RNF169: variants seen among roughly 807,000 people sequenced by gnomAD.
RNF169 encodes the protein E3 ubiquitin-protein ligase RNF169.
RNF169 carries 24 observed loss-of-function variants against 53.9 expected under a neutral mutation model. That is an observed-to-expected ratio of 0.45 (90% CI 0.32 to 0.63). The LOEUF is 0.63. Ranked by LOEUF, RNF169 falls within the 20% of genes least tolerant of loss-of-function variation. The pLI is 0.04. For missense variants in RNF169, 883 were observed against 906.2 expected (o/e 0.97, Z 0.33); for synonymous variants, 396 against 363.5 (o/e 1.09, Z -1.02).
intron 1 of RNF169, among the ~76,000 whole-genome samples, chr11:74,769,216 T>C (rs1342496568): frequency 6.6e-6 from 1 of 152,112 alleles, no homozygotes; most frequent in African/African-American, 2.4e-5. Context: ...AAGATTTGAA[T>C]AGGCATTTCA....
At position 74,838,624 on chromosome 11, in the gene RNF169, T is replaced by C. The variant is rs758399608; in HGVS notation, c.*1894T>C. ...GTATGCATTCTGTGTTCTCTGTGTGTGTGCACATATGCAGATGTATGTTTT... is the reference window on the plus strand; with the variant it reads ...GTATGCATTCTGTGTTCTCTGTGTGCGTGCACATATGCAGATGTATGTTTT... On this transcript the variant is annotated 3_prime_UTR_variant, in exon 6 of 6. Coordinates refer to ENST00000299563, the MANE Select transcript of RNF169 (RefSeq NM_001098638.2). 6.6e-6 allele frequency: 1 copy of C among 152,238 alleles called. No individual in the cohort carries two copies. The highest frequency in any genetic ancestry group is 1.5e-5 in the Non-Finnish European group (1 of 68,038). The allele number at this position is 152,238 out of a possible 1,614,324, so 9.4% of individuals were successfully genotyped here.
Position 74,839,760 on chromosome 11 carries a change from G to C in RNF169, c.*3030G>C, listed in dbSNP as rs542736095. On this transcript the variant is annotated 3_prime_UTR_variant, in exon 6 of 6. Coordinates refer to ENST00000299563, the MANE Select transcript of RNF169 (RefSeq NM_001098638.2). ...AGAGGGAAAGAAACTTTGAGAAAAT[G>C]TTCTTGACCCATTGATTGTATCTGC... is the stretch of plus-strand genomic sequence containing the variant. 6.6e-6 allele frequency: 1 copy of C among 152,264 alleles called. No individual in the cohort carries two copies. The highest frequency in any genetic ancestry group is 1.9e-4 in the East Asian group (1 of 5,180). 9.4% of individuals were successfully genotyped at this position (152,264 alleles called of 1,614,324 possible).
chr11:74,810,930 T>A (rs2035866592), intron 3 of RNF169, among the ~76,000 whole-genome samples: 1 of 152,224 alleles, frequency 6.6e-6, no homozygotes, highest in Non-Finnish European at 1.5e-5. Context: ...AAATGGATAA[T>A]CACAATTGAG....
intron 2 of RNF169, among the ~76,000 whole-genome samples, chr11:74,802,383 C>T (rs536823): frequency 0.2 from 29,730 of 152,162 alleles, 3,079 homozygotes; most frequent in South Asian, 0.38. Context: ...TGGTGTCTCA[C>T]GCTTGTAATT....
At chr11:74,757,047 G>A (rs933656101) in intron 1 of RNF169, among the ~76,000 whole-genome samples, 4 of 147,320 alleles carry the variant, frequency 2.7e-5, no homozygotes, top group African/African-American at 1.0e-4. Context: ...TGCACATTGT[G>A]CAGGTTAGTT....
In RNF169 at chr11:74,768,298, G is replaced by T. The variant is rs182848448; in HGVS notation, c.502+18916G>T. 1.0e-3 allele frequency among the ~76,000 whole-genome samples: 153 copies of T among 152,236 alleles called. 1 individual carries two copies. Among genetic ancestry groups the T allele is most frequent in the African/African-American group, 3.3e-3 (137 of 41,542 alleles). ...CCTTAGAGAAAAAAATAGATCTTTA[G>T]CACCATATGCAAAAAATTATTTGTA... is the stretch of plus-strand genomic sequence containing the variant. On this transcript the variant is annotated intron_variant, in intron 1 of 5. Transcript: ENST00000299563.
At position 74,838,442 on chromosome 11, in the gene RNF169, T is replaced by G. The variant is rs1221449645; in HGVS notation, c.*1712T>G. 1.3e-5 allele frequency: 2 copies of G among 152,206 alleles called. No individual in the cohort carries two copies. Among genetic ancestry groups the G allele is most frequent in the Non-Finnish European group, 2.9e-5 (2 of 68,038 alleles). 9.4% of individuals were successfully genotyped at this position (152,206 alleles called of 1,614,324 possible). On this transcript the variant is annotated 3_prime_UTR_variant, in exon 6 of 6. Transcript: ENST00000299563. ...TATCAAGTGGGTTTGTAGTAATGAG[T>G]GCTGCTGTAAAGCAGAGCCATTTTC...
intron 4 of RNF169, among the ~76,000 whole-genome samples, chr11:74,826,171 C>A (rs982732566): frequency 1.3e-5 from 2 of 152,070 alleles, no homozygotes; most frequent in Non-Finnish European, 2.9e-5. Context: ...ACTAAAAATA[C>A]AAAAATTAGC....
At chr11:74,750,588 C>CT (rs71036015) in intron 1 of RNF169, among the ~76,000 whole-genome samples, 30,931 of 54,462 alleles carry the variant, frequency 0.57, 13,139 homozygotes, top group Non-Finnish European at 0.68. Flanking sequence ...CTCCCCTCAC[C>CT]TTTTTTTTTT....
Position 74,839,788 on chromosome 11 carries a change from G to A in RNF169, c.*3058G>A, listed in dbSNP as rs1180085446. The A allele has an allele frequency of 2.0e-5, 3 of 152,146 alleles. No homozygotes were observed. The highest frequency in any genetic ancestry group is 4.4e-5 in the Non-Finnish European group (3 of 68,036). The allele number at this position is 152,146 out of a possible 1,614,324, so 9.4% of individuals were successfully genotyped here. On this transcript the variant is annotated 3_prime_UTR_variant, in exon 6 of 6. Transcript: ENST00000299563. The stretch of plus-strand genomic sequence containing the variant: ...CTTGACCCATTGATTGTATCTGCTG[G>A]AAGAAGTCATCTGGGCCTGTTGGGT...
At chr11:74,821,477 T>G (rs2036009291) in intron 4 of RNF169, among the ~76,000 whole-genome samples, 1 of 85,180 alleles carries the variant, frequency 1.2e-5, no homozygotes, top group South Asian at 4.6e-4. Flanking sequence ...GCTAAAATGG[T>G]GAAACCCCGT....
At chr11:74,753,513 A>C in intron 1 of RNF169, among the ~76,000 whole-genome samples, 1 of 152,242 alleles carries the variant, frequency 6.6e-6, no homozygotes, top group East Asian at 1.9e-4. Flanking sequence ...GGTTGGCACA[A>C]AAGTAATTAT....
In RNF169 at chr11:74,749,027, G is replaced by T; in HGVS notation, c.147G>T (p.Val49=). ...PGPASGPSLL[V]LSPPLLQPPL... ...CGGCTTCTGGACCTTCGCTGTTGGT[G>T]TTGTCGCCGCCGTTGCTGCAGCCGC... The change falls in exon 1 of 6, where the codon GTG becomes GTT. Residue 49 remains valine (V), a synonymous_variant. Transcript: ENST00000299563. 2.0e-6 allele frequency: 3 copies of T among 1,481,616 alleles called. No homozygotes were observed. Among genetic ancestry groups the T allele is most frequent in the Non-Finnish European group, 2.7e-6 (3 of 1,113,344 alleles). The allele number at this position is 1,481,616 out of a possible 1,614,324, so 91.8% of individuals were successfully genotyped here.
chr11:74,793,996 A>G (rs770110293), intron 2 of RNF169, among the ~76,000 whole-genome samples: 3 of 152,152 alleles, frequency 2.0e-5, no homozygotes, highest in Non-Finnish European at 4.4e-5. Context: ...TGATATATAT[A>G]TATTCATTGG....
Position 74,837,388 on chromosome 11 carries a change from T to A in RNF169, c.*658T>A, listed in dbSNP as rs2036273272. On this transcript the variant is annotated 3_prime_UTR_variant, in exon 6 of 6. Transcript: ENST00000299563. ...TGGCATTAGCCCCATTTTTAGATGA[T>A]GAAACTGCAGTGCAGATGTTCTGGT... 1 of 152,326 alleles carries A rather than the reference T, an allele frequency of 6.6e-6. No individual in the cohort carries two copies. Among genetic ancestry groups the A allele is most frequent in the Non-Finnish European group, 1.5e-5 (1 of 68,102 alleles). The allele number at this position is 152,326 out of a possible 1,614,324, so 9.4% of individuals were successfully genotyped here.
intron 3 of RNF169, among the ~76,000 whole-genome samples, chr11:74,812,225 TATGA>T (rs1482204618): frequency 6.6e-6 from 1 of 152,206 alleles, no homozygotes; most frequent in East Asian, 1.9e-4. Flanking sequence ...AAATCTGACC[TATGA>T]ATGTGTCAAG....
chr11:74,803,520 C>T (rs1754972570), intron 2 of RNF169, among the ~76,000 whole-genome samples: 1 of 152,148 alleles, frequency 6.6e-6, no homozygotes, highest in Non-Finnish European at 1.5e-5. Context: ...CCAAGGATGG[C>T]TAGTTAACAT....
chr11:74,765,814 AAAAAAC>A lies in RNF169; in HGVS notation c.502+16450_502+16455del, dbSNP rs1362813143. 7.9e-4 allele frequency among the ~76,000 whole-genome samples: 118 copies of A among 148,850 alleles called. 1 individual carries two copies. Among genetic ancestry groups the A allele is most frequent in the East Asian group, 3.3e-3 (17 of 5,190 alleles). Reference sequence around the variant, plus strand: ...CAGCCTGGGCAACATCTCAAAAAAAAAAAAACAAAAACAAAAACAAAAAAACCCAAA... The same window carrying A: ...CAGCCTGGGCAACATCTCAAAAAAAAAAAAACAAAAACAAAAAAACCCAAA... On this transcript the variant is annotated intron_variant, in intron 1 of 5. Transcript: ENST00000299563.
intron 2 of RNF169, among the ~76,000 whole-genome samples, chr11:74,806,907 T>C (rs1642470307): frequency 6.6e-6 from 1 of 152,146 alleles, no homozygotes; most frequent in Admixed American, 6.5e-5. Flanking sequence ...TGTATACTTT[T>C]CTGTGTGTAT....
Sources: gnomAD v4.1 joint callset for allele counts (sites outside exome capture counted in the v4.1 genomes callset) on GRCh38, gnomAD v4.1.1 for gene constraint, MANE v1.5 for transcripts, NCBI Gene and HGNC (gene_info 2026-07-23, HGNC 2026-07-21) for gene names.